Variants in U2SURP observed in about 807,000 individuals in gnomAD.
U2SURP encodes U2 snRNP associated SURP domain containing.
In U2SURP, 9 loss-of-function variants were observed where a neutral mutation model predicts 144.9. The observed-to-expected ratio is 0.06, with a 90% CI of 0.04 to 0.11. U2SURP has a LOEUF of 0.11. U2SURP is among the 10% of genes least tolerant of loss of function. The pLI, the probability that U2SURP is intolerant of heterozygous loss-of-function variation, is 1.00. For synonymous variants in U2SURP, 408 were observed against 396.8 expected (o/e 1.03, Z -0.33); for missense variants, 724 against 1,226.7 (o/e 0.59, Z 6.12).
At chr3:143,028,713 T>G in intron 16 of U2SURP, 67 bp downstream of exon 16, 1 of 1,375,718 alleles carries the variant, frequency 7.3e-7, no homozygotes, top group Non-Finnish European at 9.9e-7. Context: ...TAATTAATGG[T>G]CTTATTAAGA....
intron 22 of U2SURP, 22 bp from the exon 23 acceptor site, chr3:143,038,872 T>C (rs1933949205): frequency 6.6e-7 from 1 of 1,521,114 alleles, no homozygotes. Flanking sequence ...TGGAATTACA[T>C]CCTCCTTTTC....
chr3:143,026,486 G>T (rs942622818), intron 13 of U2SURP: 14 of 152,196 alleles, frequency 9.2e-5, no homozygotes, highest in African/African-American at 3.1e-4. Context: ...ATATATAAAG[G>T]CAGAATTATC....
intron 8 of U2SURP, among the ~76,000 whole-genome samples, chr3:143,021,062 G>C (rs774535298): frequency 3.7e-4 from 56 of 152,192 alleles, no homozygotes; most frequent in Non-Finnish European, 5.9e-4. Flanking sequence ...GTGGTGGTGC[G>C]TGCCTGTAAT....
intron 14 of U2SURP, among the ~76,000 whole-genome samples, chr3:143,027,699 T>C (rs1933237757): frequency 6.6e-6 from 1 of 152,210 alleles, no homozygotes; most frequent in African/African-American, 2.4e-5. Context: ...AAAACTACTT[T>C]TAATTTATTA....
chr3:143,039,103 G>C, intron 23 of U2SURP, 143 bp downstream of exon 23: 1 of 512,000 alleles, frequency 2.0e-6, no homozygotes, highest in Non-Finnish European at 3.3e-6. Context: ...TTCTCCATTG[G>C]TTTTCCAGTG....
intron 1 of U2SURP, among the ~76,000 whole-genome samples, chr3:143,006,841 T>C (rs936167015): frequency 1.3e-5 from 2 of 152,098 alleles, no homozygotes; most frequent in African/African-American, 2.4e-5. Flanking sequence ...ATAGGAGAGA[T>C]TGTTAAACTT....
chr3:143,059,891 T>C lies in U2SURP; in HGVS notation c.*3441T>C, dbSNP rs1257621743. The C allele has an allele frequency of 6.6e-6, 1 of 152,368 alleles. No homozygotes were observed. Among genetic ancestry groups the C allele is most frequent in the Non-Finnish European group, 1.5e-5 (1 of 67,852 alleles). 9.4% of individuals were successfully genotyped at this position (152,368 alleles called of 1,614,324 possible). ...CATATTTCACACGCATGTTTTAGAA[T>C]AGATTTTAGGGAGTGTTTAATTCAT... On this transcript the variant is annotated 3_prime_UTR_variant, in exon 28 of 28. Transcript: ENST00000473835.
At chr3:143,029,742 T>C (rs1431454841) in intron 16 of U2SURP, among the ~76,000 whole-genome samples, 1 of 152,232 alleles carries the variant, frequency 6.6e-6, no homozygotes, top group East Asian at 1.9e-4. Flanking sequence ...GGCTGAAAGC[T>C]AGGCCTCTTG....
chr3:143,018,064 G>GA (rs1169697572), intron 6 of U2SURP, among the ~76,000 whole-genome samples: 1 of 151,842 alleles, frequency 6.6e-6, no homozygotes, highest in East Asian at 1.9e-4. Context: ...TTTACAAAAA[G>GA]AAAAAAAATT....
chr3:143,023,408 AC>A (rs1283775740), intron 12 of U2SURP: 8 of 194,122 alleles, frequency 4.1e-5, no homozygotes, highest in Non-Finnish European at 7.3e-5. Flanking sequence ...AATTAGAAAG[AC>A]CTCCTAAGTA....
intron 1 of U2SURP, among the ~76,000 whole-genome samples, chr3:143,003,045 A>AT (rs1935620892): frequency 6.6e-6 from 1 of 152,076 alleles, no homozygotes; most frequent in Non-Finnish European, 1.5e-5. Flanking sequence ...AAGCCTCACA[A>AT]TTTTTGTTTC....
chr3:143,021,013 GA>G (rs1435747111), intron 8 of U2SURP, among the ~76,000 whole-genome samples: 4 of 152,170 alleles, frequency 2.6e-5, no homozygotes, highest in African/African-American at 9.7e-5. Flanking sequence ...CCAACATGAT[GA>G]AACCCTGTCT....
chr3:143,008,160 T>C (rs1175449516), intron 1 of U2SURP, among the ~76,000 whole-genome samples: 1 of 152,268 alleles, frequency 6.6e-6, no homozygotes, highest in African/African-American at 2.4e-5. Context: ...ACAAAATTGT[T>C]ACTTTTGAAC....
intron 23 of U2SURP, among the ~76,000 whole-genome samples, chr3:143,039,606 T>A (rs1933994140): frequency 6.6e-6 from 1 of 151,166 alleles, no homozygotes; most frequent in South Asian, 2.1e-4. Context: ...TGAATTTTTT[T>A]TTTTTTTTTT....
chr3:143,059,738 CTCT>C lies in U2SURP; in HGVS notation c.*3292_*3294del, dbSNP rs1935300303. 6.6e-6 allele frequency: 1 copy of C among 151,706 alleles called. No individual in the cohort carries two copies. The highest frequency in any genetic ancestry group is 1.5e-5 in the Non-Finnish European group (1 of 67,756). The allele number at this position is 151,706 out of a possible 1,614,324, so 9.4% of individuals were successfully genotyped here. A position where few individuals can be genotyped will look rare whatever the true frequency, so the allele number is the denominator to read the frequency against. Reference sequence around the variant, plus strand: ...TAAGGTTTTTTTCTTTGTTGTTTTCCTCTTCTATTAAGTTTTAGTGAAAAGCCT... The same window carrying C: ...TAAGGTTTTTTTCTTTGTTGTTTTCCTCTATTAAGTTTTAGTGAAAAGCCT... On this transcript the variant is annotated 3_prime_UTR_variant, in exon 28 of 28. Coordinates refer to ENST00000473835, the MANE Select transcript of U2SURP (RefSeq NM_001080415.2).
At chr3:143,028,760 G>A (rs1933305662) in intron 16 of U2SURP, 114 bp downstream of exon 16, 2 of 796,570 alleles carry the variant, frequency 2.5e-6, no homozygotes, top group Non-Finnish European at 3.9e-6. Context: ...ACTTGTGAAT[G>A]TTTAAAATAG....
rs1934206575 is a variant in U2SURP, at chr3:143,043,136, G to A, written c.2404G>A (p.Asp802Asn). Residue 802 changes from aspartate (D) to asparagine (N), a missense_variant, in exon 24 of 28, where the codon GAT (aspartate) becomes AAT (asparagine). Physicochemically the swap from Asp to Asn is conservative, Grantham distance 23. Transcript: ENST00000473835. ...ENQNQEEESEDEEDTQSSKSE... is the reference protein window; with the variant it reads ...ENQNQEEESENEEDTQSSKSE... ...CTAAAGTCAAGAAGAAGAAAGTGAAGATGAAGAAGATACTCAAAGTTCCAA... is the reference window on the plus strand; with the variant it reads ...CTAAAGTCAAGAAGAAGAAAGTGAAAATGAAGAAGATACTCAAAGTTCCAA... The A allele has an allele frequency of 6.2e-7, 1 of 1,603,690 alleles. No homozygotes were observed. The highest frequency in any genetic ancestry group is 8.5e-7 in the Non-Finnish European group (1 of 1,175,420).
chr3:143,005,702 CT>C (rs1172556027), intron 1 of U2SURP, among the ~76,000 whole-genome samples: 3 of 152,006 alleles, frequency 2.0e-5, no homozygotes, highest in African/African-American at 7.3e-5. Context: ...TTTATTTTCA[CT>C]TTTTGTTTTT....
At chr3:143,056,210 T>C in intron 27 of U2SURP, 102 bp from the exon 28 acceptor site, 12 of 1,252,968 alleles carry the variant, frequency 9.6e-6, no homozygotes, top group Non-Finnish European at 1.2e-5. Context: ...GCAGTGATTT[T>C]TCACTGTGCC....
Sources: allele counts gnomAD v4.1 joint callset (sites outside exome capture counted in the v4.1 genomes callset), GRCh38; gene constraint gnomAD v4.1.1; transcripts MANE v1.5; gene names NCBI Gene and HGNC (gene_info 2026-07-23, HGNC 2026-07-21).